Variants in CSMD1 observed in about 807,000 individuals in gnomAD.
CSMD1 encodes CUB and sushi domain-containing protein 1.
CSMD1 carries 213 observed loss-of-function variants against 417.5 expected under a neutral mutation model. The ratio of observed to expected loss-of-function variants is 0.51; its 90% CI spans 0.46 to 0.57. CSMD1 has a LOEUF of 0.57. Among genes scored for constraint, CSMD1 ranks in the 20% least tolerant of loss-of-function variants. The probability of loss-of-function intolerance (pLI) is 0.00; values close to 1 mark genes in which losing one functional copy is unlikely to be tolerated. For missense variants in CSMD1, 6,923 were observed against 4,529.7 expected (o/e 1.53, Z -15.17); for synonymous variants, 2,862 against 1,736.8 (o/e 1.65, Z -16.11).
rs145505083 is a variant in CSMD1, at chr8:4,765,638, T to C, written c.86-128080A>G. 1.5e-3 allele frequency among the ~76,000 whole-genome samples: 225 copies of C among 152,308 alleles called. 1 individual carries two copies. Among genetic ancestry groups the C allele is most frequent in the African/African-American group, 5.2e-3 (215 of 41,584 alleles). ...AATTGGATGCAAGGCAGAAAACTGC[T>C]CACTAAAGATATATCCAAGCAAACT... On this transcript the variant is annotated intron_variant, in intron 1 of 69. Transcript: ENST00000635120.
intron 5 of CSMD1, among the ~76,000 whole-genome samples, chr8:3,891,964 G>C (rs1326556611): frequency 6.6e-6 from 1 of 152,000 alleles, no homozygotes; most frequent in Non-Finnish European, 1.5e-5. Flanking sequence ...GCGTCCAAAA[G>C]CACAGCATCG....
At chr8:4,213,281 C>G (rs1167064599) in intron 3 of CSMD1, among the ~76,000 whole-genome samples, 2 of 152,120 alleles carry the variant, frequency 1.3e-5, no homozygotes, top group Admixed American at 6.5e-5. Context: ...CCTGTCAGGT[C>G]TAATGAGCAG....
chr8:3,064,555 G>A (rs1330895048), intron 49 of CSMD1, among the ~76,000 whole-genome samples: 1 of 152,162 alleles, frequency 6.6e-6, no homozygotes, highest in Admixed American at 6.6e-5. Context: ...CTAGTAGTGT[G>A]AGAATGGATT....
chr8:3,182,003 C>T (rs948197698), intron 36 of CSMD1, among the ~76,000 whole-genome samples: 1 of 152,116 alleles, frequency 6.6e-6, no homozygotes, highest in African/African-American at 2.4e-5. Context: ...ATGTTCAATA[C>T]TCTAGTAAAA....
At chr8:2,966,812 G>C in intron 57 of CSMD1, 66 bp from the exon 58 acceptor site, 3 of 1,449,710 alleles carry the variant, frequency 2.1e-6, no homozygotes, top group Middle Eastern at 2.2e-4. Context: ...GCAAACACAA[G>C]AGACCAATGG....
At chr8:4,188,265 C>G (rs942212792) in intron 3 of CSMD1, among the ~76,000 whole-genome samples, 4 of 152,144 alleles carry the variant, frequency 2.6e-5, no homozygotes. Flanking sequence ...TTGGAGGCCA[C>G]GCTTGCCCTA....
At chr8:3,233,683 T>C (rs1029239515) in intron 26 of CSMD1, among the ~76,000 whole-genome samples, 2 of 152,200 alleles carry the variant, frequency 1.3e-5, no homozygotes, top group South Asian at 4.1e-4. Flanking sequence ...ACAGTCTGAA[T>C]CCGATAAGAA....
intron 10 of CSMD1, among the ~76,000 whole-genome samples, chr8:3,495,695 T>C (rs1299989197): frequency 5.9e-5 from 9 of 152,174 alleles, no homozygotes; most frequent in Admixed American, 5.2e-4. Context: ...TTTAACCACA[T>C]ATACCATCCT....
At chr8:3,228,813 T>C (rs1210922370) in intron 27 of CSMD1, among the ~76,000 whole-genome samples, 1 of 150,280 alleles carries the variant, frequency 6.7e-6, no homozygotes, top group East Asian at 1.9e-4. Context: ...ACTGTAAAAG[T>C]AGGCCATTGG....
intron 29 of CSMD1, among the ~76,000 whole-genome samples, 168 bp downstream of exon 29, chr8:3,219,087 G>C (rs1284622312): frequency 6.6e-6 from 1 of 152,072 alleles, no homozygotes; most frequent in African/African-American, 2.4e-5. Context: ...ATGCACCTCA[G>C]GAATATCTTC....
At chr8:3,292,846 T>A (rs1234464536) in intron 25 of CSMD1, among the ~76,000 whole-genome samples, 3 of 152,152 alleles carry the variant, frequency 2.0e-5, no homozygotes, top group Non-Finnish European at 4.4e-5. Context: ...AATATTGTTA[T>A]GTGTGAATTT....
chr8:4,304,066 C>G lies in CSMD1; in HGVS notation c.415+115887G>C, dbSNP rs73660737. 3.1e-3 allele frequency among the ~76,000 whole-genome samples: 472 copies of G among 152,196 alleles called. 2 individuals are homozygous for G. Among genetic ancestry groups the G allele is most frequent in the African/African-American group, 0.011 (440 of 41,558 alleles). On this transcript the variant is annotated intron_variant, in intron 3 of 69. Transcript: ENST00000635120. ...AGAGAACCAGGGGATCACAAAGCCTCGATGAAACCCTTGAAATACCATTGT... is the reference window on the plus strand; with the variant it reads ...AGAGAACCAGGGGATCACAAAGCCTGGATGAAACCCTTGAAATACCATTGT...
chr8:3,243,664 C>G (rs1005279711), intron 26 of CSMD1, among the ~76,000 whole-genome samples: 5 of 151,936 alleles, frequency 3.3e-5, no homozygotes, highest in Non-Finnish European at 5.9e-5. Flanking sequence ...TGTGTACATG[C>G]AGGTCACAGG....
chr8:3,576,221 T>C (rs781239920), intron 9 of CSMD1, among the ~76,000 whole-genome samples: 1 of 151,914 alleles, frequency 6.6e-6, no homozygotes, highest in Non-Finnish European at 1.5e-5. Context: ...ACGCAGGTTT[T>C]CCAAAGGGAC....
chr8:2,958,228 A>C (rs1803161723), intron 62 of CSMD1, among the ~76,000 whole-genome samples: 1 of 152,136 alleles, frequency 6.6e-6, no homozygotes, highest in Non-Finnish European at 1.5e-5. Context: ...GAGTCCACCA[A>C]AACTCTACCT....
At position 3,182,755 on chromosome 8, in the gene CSMD1, G is replaced by C. The variant is rs968236038; in HGVS notation, c.5621-1541C>G. ...TGTCTCTTTATAAGAAGCTCTGTGT[G>C]TGTGTGTGTGTGTATTGTTAGAGAA... On this transcript the variant is annotated intron_variant, in intron 36 of 69. Transcript: ENST00000635120. Among the ~76,000 whole-genome samples, 4 of 141,410 alleles carry C rather than the reference G, an allele frequency of 2.8e-5. No individual in the cohort carries two copies. In the East Asian group the frequency reaches 6.6e-4, roughly 23 times the overall value. The allele number at this position is 141,410 out of a possible 152,430, so 92.8% of individuals were successfully genotyped here.
intron 2 of CSMD1, among the ~76,000 whole-genome samples, chr8:4,522,733 C>T (rs1803532710): frequency 6.6e-6 from 1 of 152,120 alleles, no homozygotes; most frequent in South Asian, 2.1e-4. Context: ...ACCCTATCCA[C>T]ACGTGCCTGG....
At chr8:4,719,454 C>T (rs1191556510) in intron 1 of CSMD1, among the ~76,000 whole-genome samples, 2 of 152,092 alleles carry the variant, frequency 1.3e-5, no homozygotes, top group Non-Finnish European at 2.9e-5. Flanking sequence ...TTTGCTGCTT[C>T]CTTTCTTCCA....
chr8:4,139,992 T>A (rs117514244), intron 3 of CSMD1, among the ~76,000 whole-genome samples: 45,157 of 150,480 alleles, frequency 0.3, 8,397 homozygotes, highest in Non-Finnish European at 0.39. Context: ...GGGTTGCAGG[T>A]AGGAGGTAAA....
Sources: allele counts gnomAD v4.1 joint callset (sites outside exome capture counted in the v4.1 genomes callset), GRCh38; gene constraint gnomAD v4.1.1; transcripts MANE v1.5; gene names NCBI Gene and HGNC (gene_info 2026-07-23, HGNC 2026-07-21).